VIPR1: variants seen among roughly 807,000 people sequenced by gnomAD.
VIPR1 encodes the protein vasoactive intestinal peptide receptor 1.
VIPR1 carries 59 observed loss-of-function variants against 58.8 expected under a neutral mutation model. The ratio of observed to expected loss-of-function variants is 1.00; its 90% CI spans 0.81 to 1.25. The LOEUF is 1.25. Among genes scored for constraint, VIPR1 ranks in the 50% most tolerant of loss-of-function variants. The pLI, the probability that VIPR1 is intolerant of heterozygous loss-of-function variation, is 0.00. For synonymous variants in VIPR1, 251 were observed against 242.1 expected, an observed-to-expected ratio of 1.04 and a Z score of -0.34; for missense variants, 626 against 602.7, an observed-to-expected ratio of 1.04 and a Z score of -0.40.
chr3:42,499,963 G>A (rs972410400), upstream of VIPR1: 2 of 152,218 alleles, frequency 1.3e-5, no homozygotes, highest in Non-Finnish European at 2.9e-5. Context: ...AATGTTGGTT[G>A]AATTTTTTAG....
At chr3:42,525,736 G>A (rs1701195815) in intron 3 of VIPR1, 151 bp from the exon 4 acceptor site, 5 of 733,470 alleles carry the variant, frequency 6.8e-6, no homozygotes, top group Admixed American at 2.9e-5. Flanking sequence ...CCCCCACGGT[G>A]CCCTGGGTAA....
upstream of VIPR1, among the ~76,000 whole-genome samples, chr3:42,500,806 C>G (rs1411185058): frequency 6.6e-6 from 1 of 152,172 alleles, no homozygotes; most frequent in African/African-American, 2.4e-5. Context: ...ATTGGGAGAT[C>G]GAGTACAAAC....
At chr3:42,534,789 A>T in intron 10 of VIPR1, 186 bp from the exon 11 acceptor site, 1 of 680,194 alleles carries the variant, frequency 1.5e-6, no homozygotes, top group Non-Finnish European at 2.3e-6. Flanking sequence ...GCAGAAGGGC[A>T]GAGGCACTGC....
intron 1 of VIPR1, among the ~76,000 whole-genome samples, chr3:42,511,265 A>G (rs1157939194): frequency 6.6e-6 from 1 of 152,236 alleles, no homozygotes; most frequent in Non-Finnish European, 1.5e-5. Flanking sequence ...AAGACAGCAG[A>G]AGCTTGAGCC....
At chr3:42,530,721 G>A (rs1429255786) in intron 6 of VIPR1, 58 bp from the exon 7 acceptor site, 2 of 1,580,980 alleles carry the variant, frequency 1.3e-6, no homozygotes, top group East Asian at 2.2e-5. Context: ...CACGAGTGTG[G>A]GCAGTCAAGG....
chr3:42,501,891 G>C (rs775586727), upstream of VIPR1: 2 of 152,248 alleles, frequency 1.3e-5, no homozygotes, highest in Non-Finnish European at 2.9e-5. The surrounding 1 kb of genome is among the most constrained non-coding windows in gnomAD (Gnocchi z 4.8). Context: ...TGCCCTGGAC[G>C]AGACCCGCGA....
chr3:42,533,332 G>C (rs1220881390), intron 10 of VIPR1: 1 of 150,206 alleles, frequency 6.7e-6, no homozygotes, highest in Non-Finnish European at 1.5e-5. Context: ...TCTCCCTGAT[G>C]AGACTAAGAC....
upstream of VIPR1, among the ~76,000 whole-genome samples, chr3:42,498,082 C>T (rs915149612): frequency 6.6e-6 from 1 of 152,184 alleles, no homozygotes; most frequent in African/African-American, 2.4e-5. Context: ...TCCCCTGGAG[C>T]AGGAGCTCTC....
intron 4 of VIPR1, among the ~76,000 whole-genome samples, chr3:42,526,314 C>T (rs547539558): frequency 6.6e-6 from 1 of 152,246 alleles, no homozygotes; most frequent in South Asian, 2.1e-4. Context: ...CAGACACCAG[C>T]ACCCCATCCC....
upstream of VIPR1, among the ~76,000 whole-genome samples, chr3:42,501,278 G>C (rs140221480): frequency 6.6e-6 from 1 of 151,928 alleles, no homozygotes; most frequent in African/African-American, 2.4e-5. The surrounding 1 kb of genome is among the most constrained non-coding windows in gnomAD (Gnocchi z 4.8). Flanking sequence ...GCATCCCAAC[G>C]TTCCCTCTCT....
chr3:42,527,892 TG>T, intron 5 of VIPR1, 98 bp from the exon 6 acceptor site: 1 of 1,511,164 alleles, frequency 6.6e-7, no homozygotes, highest in Non-Finnish European at 9.0e-7. Context: ...GGAGGACACA[TG>T]CTCCCCTGCC....
In VIPR1 at chr3:42,530,837, G is replaced by C. The variant is rs1250993234; in HGVS notation, c.695G>C (p.Trp232Ser). ...TATTGTGTCATGGCTAACTTCTTCT[G>C]GCTGCTGGTGGAGGGCCTCTACCTG... is the stretch of plus-strand genomic sequence containing the variant. ...FQYCVMANFF[W>S]LLVEGLYLYT... The change falls in exon 7 of 13, where the codon TGG becomes TCG. Residue 232 changes from tryptophan to serine, a missense_variant. Coordinates refer to ENST00000325123, the MANE Select transcript of VIPR1 (RefSeq NM_004624.4). 1 of 1,614,106 alleles carries C rather than the reference G, an allele frequency of 6.2e-7. No individual in the cohort carries two copies. The highest frequency in any genetic ancestry group is 1.3e-5 in the African/African-American group (1 of 75,012).
chr3:42,498,076 CT>C (rs1699801025), upstream of VIPR1, among the ~76,000 whole-genome samples: 1 of 152,210 alleles, frequency 6.6e-6, no homozygotes, highest in Non-Finnish European at 1.5e-5. Context: ...CCTCTATCCC[CT>C]GGAGCAGGAG....
chr3:42,516,117 G>C (rs1700611327), intron 2 of VIPR1, among the ~76,000 whole-genome samples: 1 of 152,174 alleles, frequency 6.6e-6, no homozygotes, highest in African/African-American at 2.4e-5. Flanking sequence ...TGACACAGCA[G>C]AGGCCCCACC....
rs200982439 is a variant in VIPR1, at chr3:42,527,345, G to A, written c.400-48G>A. On this transcript the variant is annotated intron_variant, in intron 4 of 12. Transcript: ENST00000325123. ...CCACCCCTGCCAATACCCCCTAGATGAGCCTCCCACCCCACCACCCAAGAG... is the reference window on the plus strand; with the variant it reads ...CCACCCCTGCCAATACCCCCTAGATAAGCCTCCCACCCCACCACCCAAGAG... 29 of 1,429,496 alleles carry A rather than the reference G, an allele frequency of 2.0e-5. No homozygotes were observed. The East Asian group carries it at 2.6e-4, about 13-fold the overall frequency. 88.6% of individuals were successfully genotyped at this position (1,429,496 alleles called of 1,614,324 possible).
chr3:42,492,055 G>C (rs1005519244), intron 1 of VIPR1, among the ~76,000 whole-genome samples: 1 of 152,116 alleles, frequency 6.6e-6, no homozygotes, highest in African/African-American at 2.4e-5. Flanking sequence ...TCAGGGATGC[G>C]CTTGCAAGAA....
chr3:42,528,499 T>G, intron 6 of VIPR1: 11 of 220,202 alleles, frequency 5.0e-5, no homozygotes, highest in East Asian at 2.1e-4. Flanking sequence ...AATTCCAAGA[T>G]TCCTTCCAAC....
At chr3:42,504,274 CA>C in intron 1 of VIPR1, among the ~76,000 whole-genome samples, 1 of 152,274 alleles carries the variant, frequency 6.6e-6, no homozygotes, top group East Asian at 1.9e-4. Flanking sequence ...CTTCTGAGCC[CA>C]GGGGCAGAGT....
intron 9 of VIPR1, 174 bp from the exon 10 acceptor site, chr3:42,532,068 T>G (rs1371780883): frequency 3.4e-6 from 3 of 888,980 alleles, no homozygotes; most frequent in Non-Finnish European, 5.3e-6. Flanking sequence ...TCCTTAGGGA[T>G]TTGAAGGAGG....
Sources: allele counts gnomAD v4.1 joint callset (sites outside exome capture counted in the v4.1 genomes callset), GRCh38; gene constraint gnomAD v4.1.1; non-coding constraint Gnocchi (gnomAD v3.1); transcripts MANE v1.5; gene names NCBI Gene and HGNC (gene_info 2026-07-23, HGNC 2026-07-21).